PCM1: variants seen among roughly 807,000 people sequenced by gnomAD.
PCM1 encodes the protein pericentriolar material 1.
A neutral mutation model predicts 241.9 loss-of-function variants in PCM1; 157 were observed. The ratio of observed to expected loss-of-function variants is 0.65; its 90% CI spans 0.57 to 0.74. The LOEUF (loss-of-function observed/expected upper bound fraction) is 0.74. PCM1 is among the 30% of genes least tolerant of loss of function. The probability of loss-of-function intolerance (pLI) is 0.00; values close to 1 mark genes in which losing one functional copy is unlikely to be tolerated. For missense variants in PCM1, 3,478 were observed against 2,360.1 expected (o/e 1.47, Z -9.81); for synonymous variants, 1,085 against 784.9 (o/e 1.38, Z -6.39).
At position 17,964,699 on chromosome 8, in the gene PCM1, A is replaced by T. The variant is rs202123221; in HGVS notation, c.2786A>T (p.Asp929Val). The change falls in exon 18 of 39, where the codon GAT becomes GTT. Residue 929 changes from aspartate to valine, a missense_variant. By Grantham distance (152) the Asp-to-Val change is radical (BLOSUM62 -3). Transcript: ENST00000325083. ...EEEEQDASSN[D>V]NFSVCPSNSV... is the part of the protein sequence containing the mutation. ...GAAGAGCAAGATGCCAGTTCCAATG[A>T]TAACTTTTCTGTGTGTCCTTCTAAC... 136 of 1,613,830 alleles carry T rather than the reference A, an allele frequency of 8.4e-5. No homozygotes were observed. Among genetic ancestry groups the T allele is most frequent in the Non-Finnish European group, 1.9e-5 (22 of 1,179,822 alleles).
chr8:17,958,654 G>A (rs1408078822), intron 13 of PCM1, among the ~76,000 whole-genome samples: 1 of 152,054 alleles, frequency 6.6e-6, no homozygotes, highest in African/African-American at 2.4e-5. Context: ...CTTTTGAAAT[G>A]CTATGTACTT....
Position 17,967,064 on chromosome 8 carries a change from A to G in PCM1, c.3306A>G (p.Ala1102=), listed in dbSNP as rs370057083. 1.9e-6 allele frequency: 3 copies of G among 1,609,830 alleles called. No homozygotes were observed. The highest frequency in any genetic ancestry group is 2.5e-6 in the Non-Finnish European group (3 of 1,177,788). Residue 1102 remains alanine (A), a synonymous_variant, in exon 21 of 39, where the codon GCA becomes GCG. Coordinates refer to ENST00000325083, the MANE Select transcript of PCM1 (RefSeq NM_006197.4). ...KPGGKERGSS[A]SHPPSPSLFC... ...GAGGCAAGGAAAGAGGCAGTAGTGC[A>G]TCGCACCCTCCTTCTCCCAGTTTAT...
At chr8:18,018,210 G>A (rs1437733787) in intron 36 of PCM1, among the ~76,000 whole-genome samples, 1 of 152,154 alleles carries the variant, frequency 6.6e-6, no homozygotes, top group African/African-American at 2.4e-5. Flanking sequence ...TCTCTGGAAG[G>A]AAAGTTAATT....
At chr8:17,963,835 T>G (rs1391515526) in intron 17 of PCM1, among the ~76,000 whole-genome samples, 2 of 152,220 alleles carry the variant, frequency 1.3e-5, no homozygotes, top group African/African-American at 4.8e-5. Flanking sequence ...ATAGATTTGT[T>G]TATGACCTTC....
At chr8:17,925,580 TA>T (rs2056607849) in intron 2 of PCM1, 1 of 152,228 alleles carries the variant, frequency 6.6e-6, no homozygotes. Context: ...CTCACGCCTG[TA>T]ATCCCAGCAC....
At position 17,986,045 on chromosome 8, in the gene PCM1, C is replaced by A; in HGVS notation, c.4368C>A (p.Asn1456Lys). The stretch of plus-strand genomic sequence containing the variant: ...ACTCTGGTACTTGGATAGCATCAAA[C>A]TCAGAACTTACTCCTAGTGAGAGCC... ...SVNSGTWIAS[N>K]SELTPSESLA... The change falls in exon 26 of 39, where the codon AAC (asparagine) becomes AAA (lysine). Residue 1456 changes from asparagine (N) to lysine (K), a missense_variant. Transcript: ENST00000325083. 1 of 1,602,040 alleles carries A rather than the reference C, an allele frequency of 6.2e-7. No individual in the cohort carries two copies. Among genetic ancestry groups the A allele is most frequent in the African/African-American group, 1.3e-5 (1 of 74,586 alleles).
rs756357597 is a variant in PCM1 at position 18,011,233 on chromosome 8, C to T, written c.5221-4C>T. On this transcript the variant is annotated splice_region_variant and splice_polypyrimidine_tract_variant and intron_variant, in intron 32 of 38. Coordinates refer to ENST00000325083, the MANE Select transcript of PCM1 (RefSeq NM_006197.4). ...ATTAATTACTCAAATATTTTTGTGT[C>T]TAGGACAAGGATGAAACTGAAACAG... 3 of 1,593,842 alleles carry T rather than the reference C, an allele frequency of 1.9e-6. No homozygotes were observed. Among genetic ancestry groups the T allele is most frequent in the African/African-American group, 1.3e-5 (1 of 74,436 alleles).
chr8:18,009,759 T>C lies in PCM1; in HGVS notation c.5160+15T>C, dbSNP rs2129485175. 1 of 1,388,986 alleles carries C rather than the reference T, an allele frequency of 7.2e-7. No individual in the cohort carries two copies. Among genetic ancestry groups the C allele is most frequent in the East Asian group, 2.5e-5 (1 of 40,284 alleles). 86.0% of individuals were successfully genotyped at this position (1,388,986 alleles called of 1,614,324 possible). ...GTGCCAAAGAGGTAAATAACGTTCA[T>C]TTTGATTTTTAGGATAATTGACACA... is the stretch of plus-strand genomic sequence containing the variant. On this transcript the variant is annotated intron_variant, in intron 31 of 38. Transcript: ENST00000325083.
rs1320550838 is a variant in PCM1 at position 18,027,655 on chromosome 8, G to A, written c.6068G>A (p.Ser2023Asn). ...TTTTCAGAAACGGTGGGAGCCCAGAGTATATGAGATGTCTTCAGAGGCTCA... is the reference window on the plus strand; with the variant it reads ...TTTTCAGAAACGGTGGGAGCCCAGAATATATGAGATGTCTTCAGAGGCTCA... ...LKEPETVGAQ[S>N]I Residue 2023 changes from serine to asparagine, a missense_variant, in exon 39 of 39, where the codon AGT (serine) becomes AAT (asparagine). Transcript: ENST00000325083. 8.8e-6 allele frequency: 14 copies of A among 1,586,746 alleles called. No homozygotes were observed. Among genetic ancestry groups the A allele is most frequent in the Non-Finnish European group, 1.2e-5 (14 of 1,161,174 alleles).
chr8:17,949,120 G>A (rs188589374), intron 7 of PCM1, among the ~76,000 whole-genome samples: 1 of 152,304 alleles, frequency 6.6e-6, no homozygotes, highest in Admixed American at 6.5e-5. Context: ...GAGAATAGGA[G>A]TATAATGCAC....
intron 17 of PCM1, 111 bp downstream of exon 17, chr8:17,963,402 AG>A: frequency 1.5e-6 from 1 of 689,488 alleles, no homozygotes; most frequent in Non-Finnish European, 2.3e-6. Context: ...CTGCTATTTC[AG>A]TGAGGCTACT....
At chr8:17,989,334 T>C (rs369274032) in intron 26 of PCM1, among the ~76,000 whole-genome samples, 1 of 152,020 alleles carries the variant, frequency 6.6e-6, no homozygotes, top group Admixed American at 6.6e-5. Flanking sequence ...AAATGGTCTT[T>C]ATCTTTAGGG....
At chr8:17,950,555 A>T in intron 7 of PCM1, 60 bp from the exon 8 acceptor site, 1 of 834,058 alleles carries the variant, frequency 1.2e-6, no homozygotes, top group Non-Finnish European at 1.9e-6. Context: ...TTAGCTTCTC[A>T]GAGATTAAAA....
chr8:17,973,307 G>A (rs774058932), intron 23 of PCM1, among the ~76,000 whole-genome samples: 2 of 152,156 alleles, frequency 1.3e-5, no homozygotes, highest in Non-Finnish European at 2.9e-5. Flanking sequence ...GTAGTACTAG[G>A]TTAAAAATAG....
At chr8:18,005,303 C>G (rs956239034) in intron 29 of PCM1, among the ~76,000 whole-genome samples, 1 of 150,716 alleles carries the variant, frequency 6.6e-6, no homozygotes, top group African/African-American at 2.4e-5. Flanking sequence ...ACGTATCTGA[C>G]TCCTGCATAG....
Position 17,960,362 on chromosome 8 carries a change from A to C in PCM1, c.2240A>C (p.Lys747Thr). 1 of 1,605,826 alleles carries C rather than the reference A, an allele frequency of 6.2e-7. No individual in the cohort carries two copies. Among genetic ancestry groups the C allele is most frequent in the East Asian group, 2.2e-5 (1 of 44,794 alleles). Reference sequence around the variant, plus strand: ...CTACAGCAGCAACAGAGAGAGCTAAAACAATTGCAGGAAGAAAGAAAGAAA... The same window carrying C: ...CTACAGCAGCAACAGAGAGAGCTAACACAATTGCAGGAAGAAAGAAAGAAA... ...AKLQQQQREL[K>T]QLQEERKKLI... Residue 747 changes from lysine to threonine, a missense_variant, in exon 15 of 39, where the codon AAA (lysine) becomes ACA (threonine). By Grantham distance (78) the Lys-to-Thr change is moderately conservative (BLOSUM62 -1). Coordinates refer to ENST00000325083, the MANE Select transcript of PCM1 (RefSeq NM_006197.4).
chr8:17,971,310 G>T (rs1364072016), intron 22 of PCM1, among the ~76,000 whole-genome samples: 1 of 152,174 alleles, frequency 6.6e-6, no homozygotes, highest in African/African-American at 2.4e-5. Flanking sequence ...ACTATTAGGA[G>T]CAGTGTTGTT....
chr8:17,977,566 G>A (rs1241367981), intron 23 of PCM1, among the ~76,000 whole-genome samples: 1 of 152,178 alleles, frequency 6.6e-6, no homozygotes, highest in African/African-American at 2.4e-5. Context: ...GATTCTTGGA[G>A]AAAGCTATGT....
chr8:17,975,441 G>A (rs1191184852), intron 23 of PCM1, among the ~76,000 whole-genome samples: 1 of 152,156 alleles, frequency 6.6e-6, no homozygotes, highest in Non-Finnish European at 1.5e-5. Context: ...GGGATTACAG[G>A]TGTGAGCCAC....
Sources: allele counts gnomAD v4.1 joint callset (sites outside exome capture counted in the v4.1 genomes callset), GRCh38; gene constraint gnomAD v4.1.1; transcripts MANE v1.5; gene names NCBI Gene and HGNC (gene_info 2026-07-23, HGNC 2026-07-21).